Variants in KDM4C observed in about 807,000 individuals in gnomAD.
KDM4C encodes the protein lysine-specific demethylase 4C.
In KDM4C, 81 loss-of-function variants were observed where a neutral mutation model predicts 129.3. The observed-to-expected ratio is 0.63, with a 90% confidence interval of 0.52 to 0.75. The LOEUF (loss-of-function observed/expected upper bound fraction) is 0.75, where lower values mean the gene tolerates loss of function less well. Among genes scored for constraint, KDM4C ranks in the 30% least tolerant of loss-of-function variants. KDM4C has a pLI of 0.00. For missense variants in KDM4C, 1,457 were observed against 1,304.0 expected (o/e 1.12, Z -1.81); for synonymous variants, 573 against 456.1 (o/e 1.26, Z -3.26).
At chr9:7,117,936 A>C (rs1211852538) in intron 18 of KDM4C, among the ~76,000 whole-genome samples, 6 of 152,156 alleles carry the variant, frequency 3.9e-5, no homozygotes, top group Non-Finnish European at 8.8e-5. Flanking sequence ...TTCTTTATGA[A>C]TTAAATTGCT....
At chr9:7,068,965 G>A (rs140921532) in intron 17 of KDM4C, among the ~76,000 whole-genome samples, 4,984 of 151,976 alleles carry the variant, frequency 0.033, 255 homozygotes, top group African/African-American at 0.11. Context: ...CCAAAGTGCT[G>A]GGATTACAGG....
intron 8 of KDM4C, among the ~76,000 whole-genome samples, chr9:6,966,292 C>T (rs900744611): frequency 3.3e-5 from 5 of 152,144 alleles, no homozygotes; most frequent in African/African-American, 9.7e-5. Context: ...ACGCCATTCT[C>T]CTGCCTCAGC....
At chr9:6,804,053 C>T (rs1829513114) in intron 2 of KDM4C, among the ~76,000 whole-genome samples, 2 of 152,162 alleles carry the variant, frequency 1.3e-5, no homozygotes, top group South Asian at 2.1e-4. Flanking sequence ...GAACTCCTGG[C>T]CTCAAGTGAT....
chr9:6,834,074 T>A (rs1835410073), intron 4 of KDM4C, among the ~76,000 whole-genome samples: 1 of 102,058 alleles, frequency 9.8e-6, no homozygotes, highest in African/African-American at 4.1e-5. Flanking sequence ...AGTCTTGCTC[T>A]GTCACCTAGG....
chr9:6,747,727 C>A (rs903372659), intron 1 of KDM4C, among the ~76,000 whole-genome samples: 8 of 152,182 alleles, frequency 5.3e-5, no homozygotes, highest in Non-Finnish European at 7.3e-5. Context: ...TTGAGAACCA[C>A]TGCTCCAGAA....
chr9:6,947,941 T>C (rs1361783009), intron 8 of KDM4C: 1 of 152,210 alleles, frequency 6.6e-6, no homozygotes, highest in Non-Finnish European at 1.5e-5. Context: ...TCTTTTTTAT[T>C]GGTTTGTCAG....
chr9:7,127,874 G>T (rs1214302034), intron 18 of KDM4C, 192 bp from the exon 19 acceptor site: 1 of 506,126 alleles, frequency 2.0e-6, no homozygotes, highest in East Asian at 3.3e-5. Context: ...TAAACAAGTA[G>T]TGTTTATACT....
chr9:6,973,798 AC>A (rs1832437431), intron 8 of KDM4C: 1 of 152,184 alleles, frequency 6.6e-6, no homozygotes, highest in Non-Finnish European at 1.5e-5. Flanking sequence ...ATATTTACCT[AC>A]ATTCATACTG....
rs768543438 is a variant in KDM4C at position 6,986,422 on chromosome 9, C to A, written c.1433C>A (p.Pro478His). ...AAAGCTTATGCATATAGAAGTGTAC[C>A]TTCTATATCCAGTGAGGCTGATGAT... is the stretch of plus-strand genomic sequence containing the variant. ...DDKAYAYRSV[P>H]SISSEADDSI... Residue 478 changes from proline to histidine, a missense_variant, in exon 11 of 22, where the codon CCT (proline) becomes CAT (histidine). Pro to His is a moderately conservative substitution (Grantham distance 77). Coordinates refer to ENST00000381309, the MANE Select transcript of KDM4C (RefSeq NM_015061.6). The A allele has an allele frequency of 6.2e-7, 1 of 1,613,856 alleles. No homozygotes were observed. The highest frequency in any genetic ancestry group is 1.1e-5 in the South Asian group (1 of 91,074).
intron 15 of KDM4C, among the ~76,000 whole-genome samples, chr9:7,037,479 T>A (rs529710888): frequency 2.6e-5 from 4 of 152,310 alleles, no homozygotes; most frequent in African/African-American, 9.6e-5. Context: ...GTCAGCATTT[T>A]GATTATAAAT....
At chr9:6,975,518 C>T (rs1243784547) in intron 8 of KDM4C, among the ~76,000 whole-genome samples, 1 of 152,114 alleles carries the variant, frequency 6.6e-6, no homozygotes, top group Non-Finnish European at 1.5e-5. Context: ...AGGTATGTGA[C>T]CTTGGACTAA....
intron 19 of KDM4C, among the ~76,000 whole-genome samples, chr9:7,139,872 G>T (rs566693213): frequency 1.3e-5 from 2 of 152,176 alleles, no homozygotes; most frequent in African/African-American, 4.8e-5. Flanking sequence ...GGGGCATAAG[G>T]CAGAAGGAGA....
At chr9:6,941,243 A>G (rs1312566640) in intron 8 of KDM4C, among the ~76,000 whole-genome samples, 1 of 152,080 alleles carries the variant, frequency 6.6e-6, no homozygotes, top group Non-Finnish European at 1.5e-5. Flanking sequence ...TCCTGACCTC[A>G]AGTGATCTGC....
At chr9:7,076,976 A>C in intron 17 of KDM4C, 6 of 985,696 alleles carry the variant, frequency 6.1e-6, no homozygotes, top group Non-Finnish European at 7.2e-6. Context: ...CAGAGGCTTG[A>C]ATCTAAGAGA....
intron 17 of KDM4C, among the ~76,000 whole-genome samples, chr9:7,059,452 C>G (rs1831314635): frequency 6.6e-6 from 1 of 152,108 alleles, no homozygotes; most frequent in African/African-American, 2.4e-5. Context: ...CAAATTATGC[C>G]TGGGCAAACT....
intron 17 of KDM4C, among the ~76,000 whole-genome samples, chr9:7,093,143 A>T (rs1484477580): frequency 6.6e-6 from 1 of 152,140 alleles, no homozygotes; most frequent in African/African-American, 2.4e-5. Flanking sequence ...TGTTACTTCC[A>T]TGAAGAAAAT....
intron 5 of KDM4C, among the ~76,000 whole-genome samples, chr9:6,878,521 T>A (rs1251367179): frequency 1.3e-5 from 2 of 152,036 alleles, no homozygotes. Flanking sequence ...ATCCTAGGAG[T>A]AAACTGAGGA....
intron 8 of KDM4C, among the ~76,000 whole-genome samples, chr9:6,976,608 A>G (rs1346461266): frequency 6.6e-6 from 1 of 152,196 alleles, no homozygotes; most frequent in East Asian, 1.9e-4. Context: ...AGAATATAGA[A>G]CAGATGCCTT....
At chr9:6,956,010 G>T (rs183010647) in intron 8 of KDM4C, among the ~76,000 whole-genome samples, 2 of 152,280 alleles carry the variant, frequency 1.3e-5, no homozygotes, top group East Asian at 3.9e-4. Context: ...AGAAACTGCA[G>T]TGTGCACATG....
Sources: allele counts gnomAD v4.1 joint callset (sites outside exome capture counted in the v4.1 genomes callset), GRCh38; gene constraint gnomAD v4.1.1; transcripts MANE v1.5; gene names NCBI Gene and HGNC (gene_info 2026-07-23, HGNC 2026-07-21).